The following MAGI2 variants were observed in gnomAD, a reference collection of about 807,000 sequenced individuals.
MAGI2 encodes the protein membrane-associated guanylate kinase, WW and PDZ domain-containing protein 2.
Under a neutral mutation model 133.3 loss-of-function variants are expected in MAGI2, and 35 were observed. The ratio of observed to expected loss-of-function variants is 0.26; its 90% CI spans 0.20 to 0.35. MAGI2 has a LOEUF of 0.35. MAGI2 is among the 10% of genes least tolerant of loss of function. MAGI2 has a pLI of 1.00. For missense variants in MAGI2, 1,636 were observed against 1,863.4 expected (o/e 0.88, Z 2.25); for synonymous variants, 729 against 710.6 (o/e 1.03, Z -0.41).
At chr7:78,698,410 A>G (rs1156883245) in intron 2 of MAGI2, among the ~76,000 whole-genome samples, 1 of 152,192 alleles carries the variant, frequency 6.6e-6, no homozygotes, top group Non-Finnish European at 1.5e-5. Flanking sequence ...CCTAAGGAAA[A>G]AAAGATCCTC....
At chr7:79,235,106 G>A (rs1423528187) in intron 1 of MAGI2, among the ~76,000 whole-genome samples, 130 of 150,406 alleles carry the variant, frequency 8.6e-4, no homozygotes, top group Middle Eastern at 3.4e-3. Context: ...TAGGCTGCTC[G>A]GGGGTCAGGG....
At chr7:78,768,900 G>A (rs1825296646) in intron 2 of MAGI2, among the ~76,000 whole-genome samples, 1 of 152,056 alleles carries the variant, frequency 6.6e-6, no homozygotes, top group Non-Finnish European at 1.5e-5. Flanking sequence ...ATCCTAAAAT[G>A]CTATACAATA....
Position 79,422,604 on chromosome 7 carries a change from C to A in MAGI2, c.301+30416G>T, listed in dbSNP as rs750238961. ...ATTCAGTCAGATTTATGGCTTCATGCAATTTCAAACAGTAAGGTATATATC... is the reference window on the plus strand; with the variant it reads ...ATTCAGTCAGATTTATGGCTTCATGAAATTTCAAACAGTAAGGTATATATC... On this transcript the variant is annotated intron_variant, in intron 1 of 21. Coordinates refer to ENST00000354212, the MANE Select transcript of MAGI2 (RefSeq NM_012301.4). 7.2e-4 allele frequency among the ~76,000 whole-genome samples: 109 copies of A among 152,122 alleles called. No individual in the cohort carries two copies. The Middle Eastern group carries it at 0.01, about 14-fold the overall frequency.
chr7:79,425,405 T>C (rs982511574), intron 1 of MAGI2, among the ~76,000 whole-genome samples: 1 of 151,946 alleles, frequency 6.6e-6, no homozygotes, highest in Non-Finnish European at 1.5e-5. Flanking sequence ...TACGTAACTG[T>C]TGAACTACCA....
intron 1 of MAGI2, among the ~76,000 whole-genome samples, chr7:79,039,980 A>G (rs1383801281): frequency 6.6e-6 from 1 of 151,616 alleles, no homozygotes; most frequent in African/African-American, 2.4e-5. Context: ...TAAGTGAAAT[A>G]AGACAGGCAT....
intron 2 of MAGI2, among the ~76,000 whole-genome samples, chr7:78,731,886 A>T (rs1278638783): frequency 2.0e-5 from 3 of 152,142 alleles, no homozygotes; most frequent in Admixed American, 2.0e-4. Context: ...ACGTGTACTC[A>T]CACAGTTGAA....
At chr7:78,688,994 A>T (rs1308647314) in intron 2 of MAGI2, among the ~76,000 whole-genome samples, 2 of 152,194 alleles carry the variant, frequency 1.3e-5, no homozygotes, top group Non-Finnish European at 2.9e-5. Flanking sequence ...CTCTTTCTTT[A>T]AACAGAAGTT....
intron 9 of MAGI2, among the ~76,000 whole-genome samples, chr7:78,294,391 G>A (rs981041845): frequency 2.0e-5 from 3 of 152,088 alleles, no homozygotes; most frequent in Non-Finnish European, 4.4e-5. Flanking sequence ...ATTATTTAGT[G>A]TAGTTTCTAT....
intron 1 of MAGI2, among the ~76,000 whole-genome samples, chr7:79,359,724 A>G (rs77292209): frequency 0.018 from 2,741 of 151,324 alleles, 93 homozygotes; most frequent in African/African-American, 0.062. Flanking sequence ...AGAAAACAAA[A>G]AAACTACCAA....
rs371597228 is a variant in MAGI2 at position 78,531,589 on chromosome 7, G to A, written c.539-9944C>T. Among the ~76,000 whole-genome samples the A allele has an allele frequency of 7.9e-5, 12 of 152,272 alleles. No homozygotes were observed. The East Asian group carries it at 1.7e-3, about 22-fold the overall frequency. ...GTCATGGCTCAGTACGTAAGAAAAG[G>A]AAAGTGAAATTTTGACAAATTTATA... is the stretch of plus-strand genomic sequence containing the variant. On this transcript the variant is annotated intron_variant, in intron 3 of 21. Coordinates refer to ENST00000354212, the MANE Select transcript of MAGI2 (RefSeq NM_012301.4).
intron 2 of MAGI2, among the ~76,000 whole-genome samples, chr7:78,635,158 A>C (rs34692025): frequency 0.1 from 15,968 of 152,192 alleles, 933 homozygotes; most frequent in East Asian, 0.17. Flanking sequence ...ATTATCTCCC[A>C]AATGGTTAGC....
chr7:78,823,951 A>G (rs1310774023), intron 2 of MAGI2, among the ~76,000 whole-genome samples: 1 of 151,366 alleles, frequency 6.6e-6, no homozygotes, highest in Non-Finnish European at 1.5e-5. Context: ...CATTGTCAAT[A>G]CTGCTTTAAT....
intron 9 of MAGI2, among the ~76,000 whole-genome samples, chr7:78,291,190 C>T (rs1796671808): frequency 1.3e-5 from 2 of 151,954 alleles, no homozygotes; most frequent in Admixed American, 6.6e-5. Context: ...GCTAGCAAGA[C>T]TAATAAAGAA....
chr7:79,339,692 A>G (rs1840747789), intron 1 of MAGI2, among the ~76,000 whole-genome samples: 2 of 152,118 alleles, frequency 1.3e-5, no homozygotes, highest in Non-Finnish European at 2.9e-5. Flanking sequence ...TTCAGTCTCT[A>G]GTACGTGAGC....
chr7:78,773,593 T>C (rs551507107), intron 2 of MAGI2, among the ~76,000 whole-genome samples: 1 of 152,254 alleles, frequency 6.6e-6, no homozygotes, highest in African/African-American at 2.4e-5. Context: ...TAACATGTAA[T>C]AGATGTTGGT....
At chr7:78,822,491 G>C (rs550460022) in intron 2 of MAGI2, among the ~76,000 whole-genome samples, 11 of 152,108 alleles carry the variant, frequency 7.2e-5, no homozygotes, top group Middle Eastern at 3.4e-3. Flanking sequence ...TTCTAAACTG[G>C]ATTTTGCTCA....
intron 20 of MAGI2, among the ~76,000 whole-genome samples, chr7:78,112,577 T>A (rs1354218627): frequency 6.6e-6 from 1 of 152,246 alleles, no homozygotes; most frequent in Non-Finnish European, 1.5e-5. Flanking sequence ...TCCTGGTTCA[T>A]CAGGTATCTT....
At chr7:78,710,847 C>T (rs1200603765) in intron 2 of MAGI2, among the ~76,000 whole-genome samples, 1 of 152,050 alleles carries the variant, frequency 6.6e-6, no homozygotes, top group Admixed American at 6.6e-5. Context: ...ATGATTATTA[C>T]CAAAGGAATT....
intron 3 of MAGI2, among the ~76,000 whole-genome samples, chr7:78,553,304 C>T (rs765752074): frequency 2.4e-4 from 37 of 151,958 alleles, no homozygotes; most frequent in African/African-American, 7.7e-4. Flanking sequence ...AAAAGTTTTC[C>T]GTATTACTCT....
Sources: allele counts gnomAD v4.1 joint callset (sites outside exome capture counted in the v4.1 genomes callset), GRCh38; gene constraint gnomAD v4.1.1; transcripts MANE v1.5; gene names NCBI Gene and HGNC (gene_info 2026-07-23, HGNC 2026-07-21).